LRGUK: variants seen among roughly 807,000 people sequenced by gnomAD.
The protein encoded by LRGUK is leucine-rich repeat and guanylate kinase domain-containing protein.
LRGUK carries 65 observed loss-of-function variants against 76.0 expected under a neutral mutation model. That is an observed-to-expected ratio of 0.85 (90% CI 0.70 to 1.05). LRGUK has a LOEUF of 1.05. Ranked by LOEUF, LRGUK falls within the 50% of genes least tolerant of loss-of-function variation. The pLI, the probability that LRGUK is intolerant of heterozygous loss-of-function variation, is 0.00. For synonymous variants in LRGUK, 268 were observed against 265.6 expected (o/e 1.01, Z -0.09); for missense variants, 758 against 732.8 (o/e 1.03, Z -0.40).
intron 16 of LRGUK, among the ~76,000 whole-genome samples, chr7:134,228,354 T>C (rs796859352): frequency 2.1e-4 from 32 of 152,250 alleles, no homozygotes; most frequent in African/African-American, 7.5e-4. Flanking sequence ...GAATTTTCTT[T>C]TGGCAGAATG....
intron 3 of LRGUK, chr7:134,141,538 CT>C (rs1299189411): frequency 2.6e-5 from 4 of 152,286 alleles, no homozygotes; most frequent in Non-Finnish European, 4.4e-5. Context: ...AGACCAAGGA[CT>C]TTTTTCTGTC....
chr7:134,143,044 ATC>A lies in LRGUK; in HGVS notation c.488-16_488-15del, dbSNP rs770547749. ...ATTTTATTGGCTTACCTTATTCTGT[ATC>A]TGTTTCCCTCCGTAGATTTATCTTG... On this transcript the variant is annotated splice_polypyrimidine_tract_variant and intron_variant, in intron 3 of 15. Coordinates refer to ENST00000645682, the Ensembl canonical transcript of LRGUK. The A allele has an allele frequency of 4.5e-6, 6 of 1,319,514 alleles. No homozygotes were observed. In the African/African-American group the frequency reaches 5.8e-5, roughly 13 times the overall value. 81.7% of individuals were successfully genotyped at this position (1,319,514 alleles called of 1,614,324 possible). A position where few individuals can be genotyped will look rare whatever the true frequency, so the allele number is the denominator to read the frequency against.
intron 7 of LRGUK, among the ~76,000 whole-genome samples, chr7:134,172,294 T>G (rs1799287093): frequency 6.6e-6 from 1 of 152,168 alleles, no homozygotes; most frequent in Non-Finnish European, 1.5e-5. Flanking sequence ...GACTGAATAT[T>G]CTTGTATCTA....
chr7:134,245,477 G>A (rs1361958704), intron 16 of LRGUK, among the ~76,000 whole-genome samples: 1 of 152,178 alleles, frequency 6.6e-6, no homozygotes, highest in Non-Finnish European at 1.5e-5. Context: ...CTGATACCAT[G>A]CAGGTGTTGT....
chr7:134,209,012 A>G (rs184172356), exon 16 of LRGUK: 27 of 399,050 alleles, frequency 6.8e-5, no homozygotes, highest in South Asian at 6.4e-4. Flanking sequence ...CCTAAACCCA[A>G]CGGAAGAGGA....
At chr7:134,178,166 A>G (rs575023795) in intron 9 of LRGUK, among the ~76,000 whole-genome samples, 14 of 152,306 alleles carry the variant, frequency 9.2e-5, no homozygotes, top group Non-Finnish European at 1.8e-4. Context: ...ACTATATTCA[A>G]AGTAATCATG....
intron 16 of LRGUK, among the ~76,000 whole-genome samples, chr7:134,243,989 G>A (rs1364512435): frequency 6.6e-6 from 1 of 152,154 alleles, no homozygotes; most frequent in Non-Finnish European, 1.5e-5. Flanking sequence ...TGGGAAAACT[G>A]GCTAGCCATA....
At chr7:134,229,060 T>A (rs1801827668) in intron 16 of LRGUK, among the ~76,000 whole-genome samples, 1 of 152,198 alleles carries the variant, frequency 6.6e-6, no homozygotes, top group Admixed American at 6.5e-5. Flanking sequence ...GCAACAATTT[T>A]AAATATATTT....
At chr7:134,242,767 C>T (rs1030535475) in intron 16 of LRGUK, among the ~76,000 whole-genome samples, 2 of 152,084 alleles carry the variant, frequency 1.3e-5, no homozygotes, top group East Asian at 1.9e-4. Flanking sequence ...AGAATTTAGA[C>T]CAATATCCAT....
intron 12 of LRGUK, among the ~76,000 whole-genome samples, chr7:134,196,665 A>C (rs1480393494): frequency 6.6e-6 from 1 of 152,184 alleles, no homozygotes; most frequent in East Asian, 1.9e-4. Flanking sequence ...TCAGTAATGA[A>C]GGTTTTGGTG....
chr7:134,224,624 T>G (rs2117160906), intron 16 of LRGUK, among the ~76,000 whole-genome samples: 1 of 152,200 alleles, frequency 6.6e-6, no homozygotes, highest in African/African-American at 2.4e-5. Flanking sequence ...GATGAAATAG[T>G]CTGTACAACA....
chr7:134,171,716 T>C (rs1258341748), intron 7 of LRGUK, among the ~76,000 whole-genome samples: 1 of 152,180 alleles, frequency 6.6e-6, no homozygotes, highest in Non-Finnish European at 1.5e-5. Context: ...ATGGCTGAAC[T>C]TCCCATAGGA....
chr7:134,256,513 C>T (rs1802589242), intron 18 of LRGUK, among the ~76,000 whole-genome samples: 1 of 151,072 alleles, frequency 6.6e-6, no homozygotes, highest in African/African-American at 2.4e-5. Context: ...GTTAGTTTTC[C>T]AAGCCAGCAT....
At chr7:134,252,715 C>G (rs1346805029) in intron 18 of LRGUK, among the ~76,000 whole-genome samples, 1 of 152,186 alleles carries the variant, frequency 6.6e-6, no homozygotes, top group Non-Finnish European at 1.5e-5. Context: ...TTCCCAAGTG[C>G]ACCAGTGCTG....
At chr7:134,201,515 G>C in exon 15 of LRGUK, 1 of 1,613,938 alleles carries the variant, frequency 6.2e-7, no homozygotes, top group Non-Finnish European at 8.5e-7. Flanking sequence ...AACTGAGTCA[G>C]CTCATTAGAG....
intron 12 of LRGUK, among the ~76,000 whole-genome samples, chr7:134,192,632 A>G (rs1206887965): frequency 1.3e-5 from 2 of 152,194 alleles, no homozygotes; most frequent in Non-Finnish European, 2.9e-5. Context: ...TATCTGTTGA[A>G]AGTGTATGCT....
At chr7:134,149,875 T>A (rs893171347) in intron 5 of LRGUK, among the ~76,000 whole-genome samples, 1 of 152,042 alleles carries the variant, frequency 6.6e-6, no homozygotes, top group African/African-American at 2.4e-5. Context: ...TGGAACTTCA[T>A]AGAAATGCAG....
At chr7:134,237,266 G>A (rs1158557092) in intron 16 of LRGUK, among the ~76,000 whole-genome samples, 1 of 152,058 alleles carries the variant, frequency 6.6e-6, no homozygotes, top group Admixed American at 6.6e-5. Flanking sequence ...TATTGGCCAA[G>A]CTGGTCTCAA....
chr7:134,188,051 G>T (rs1800048306), intron 11 of LRGUK, among the ~76,000 whole-genome samples: 1 of 152,156 alleles, frequency 6.6e-6, no homozygotes, highest in Admixed American at 6.5e-5. Flanking sequence ...TTGTAGAATG[G>T]TTCATTTATT....
Sources: allele counts gnomAD v4.1 joint callset (sites outside exome capture counted in the v4.1 genomes callset), GRCh38; gene constraint gnomAD v4.1.1; transcripts MANE v1.5; gene names NCBI Gene and HGNC (gene_info 2026-07-23, HGNC 2026-07-21).